Variants in GABRG3 observed in about 807,000 individuals in gnomAD.
GABRG3 encodes the protein gamma-aminobutyric acid type A receptor subunit gamma3, also known as gamma-aminobutyric acid receptor subunit gamma-3.
A neutral mutation model predicts 48.8 loss-of-function variants in GABRG3; 25 were observed. The observed-to-expected ratio is 0.51, with a 90% CI of 0.37 to 0.72. The LOEUF (loss-of-function observed/expected upper bound fraction) is 0.72. GABRG3 is among the 30% of genes least tolerant of loss of function. The probability of loss-of-function intolerance (pLI) is 0.00; values close to 1 mark genes in which losing one functional copy is unlikely to be tolerated. For missense variants in GABRG3, 394 were observed against 577.9 expected (o/e 0.68, Z 3.26); for synonymous variants, 227 against 217.6 (o/e 1.04, Z -0.38).
At chr15:27,215,343 C>T (rs1889213348) in intron 3 of GABRG3, among the ~76,000 whole-genome samples, 1 of 152,146 alleles carries the variant, frequency 6.6e-6, no homozygotes, top group African/African-American at 2.4e-5. Context: ...AAACATGTTA[C>T]ATTTGCCTTG....
At position 26,971,398 on chromosome 15, in the gene GABRG3, A is replaced by T; in HGVS notation, c.-138A>T. On this transcript the variant is annotated 5_prime_UTR_variant, in exon 1 of 10. Coordinates refer to ENST00000615808, the MANE Select transcript of GABRG3 (RefSeq NM_033223.5). The stretch of plus-strand genomic sequence containing the variant: ...GCGGGGGCGCGGCCAGCGCCAGAGT[A>T]GATACCTGTCCCGCCCGCCGCGGCC... The T allele has an allele frequency of 1.7e-6, 1 of 584,566 alleles. No individual in the cohort carries two copies. The highest frequency in any genetic ancestry group is 2.6e-6 in the Non-Finnish European group (1 of 381,604). The allele number at this position is 584,566 out of a possible 1,614,324, so 36.2% of individuals were successfully genotyped here. A position where few individuals can be genotyped will look rare whatever the true frequency, so the allele number is the denominator to read the frequency against.
intron 5 of GABRG3, among the ~76,000 whole-genome samples, chr15:27,473,011 G>C (rs1889831701): frequency 6.6e-6 from 1 of 152,106 alleles, no homozygotes; most frequent in African/African-American, 2.4e-5. Context: ...AGAATGTGCT[G>C]ATGGATTCCG....
intron 3 of GABRG3, among the ~76,000 whole-genome samples, chr15:27,134,345 C>T (rs1268915327): frequency 6.6e-6 from 1 of 152,178 alleles, no homozygotes; most frequent in Non-Finnish European, 1.5e-5. Context: ...TCCAGCCACT[C>T]CTTGTCCTCA....
intron 6 of GABRG3, among the ~76,000 whole-genome samples, chr15:27,507,486 A>T (rs12148345): frequency 0.46 from 70,420 of 151,918 alleles, 16,744 homozygotes; most frequent in Non-Finnish European, 0.54. Context: ...CTTGGGTGAC[A>T]GAGTGAGACT....
At chr15:27,125,633 A>G (rs1381512671) in intron 3 of GABRG3, among the ~76,000 whole-genome samples, 1 of 152,264 alleles carries the variant, frequency 6.6e-6, no homozygotes, top group Non-Finnish European at 1.5e-5. Context: ...AGATAAAGGA[A>G]AAAATAAGAT....
Position 27,350,630 on chromosome 15 carries a change from G to A in GABRG3, c.574+21742G>A, listed in dbSNP as rs138056497. Among the ~76,000 whole-genome samples, 125 of 152,192 alleles carry A rather than the reference G, an allele frequency of 8.2e-4. 1 individual carries two copies. The highest frequency in any genetic ancestry group is 2.6e-3 in the African/African-American group (106 of 41,538). ...GGAGGGAGTCTGGAGGGAGTCCAGC[G>A]CATCAACACCACCAGGGCCAGCGCT... On this transcript the variant is annotated intron_variant, in intron 5 of 9. Coordinates refer to ENST00000615808, the MANE Select transcript of GABRG3 (RefSeq NM_033223.5).
At chr15:27,516,130 T>C (rs1323019524) in intron 6 of GABRG3, among the ~76,000 whole-genome samples, 2 of 150,832 alleles carry the variant, frequency 1.3e-5, no homozygotes, top group African/African-American at 4.9e-5. Flanking sequence ...AAAACACCCC[T>C]ACCAACTTCC....
Position 27,326,915 on chromosome 15 carries a change from T to C in GABRG3, c.377T>C (p.Ile126Thr), listed in dbSNP as rs1893634464. Residue 126 changes from isoleucine to threonine, a missense_variant, in exon 4 of 10, where the codon ATC (isoleucine) becomes ACC (threonine). This residue lies in a region of GABRG3 where 218 missense variants were observed against 309.9 expected (regional missense o/e 0.70). Transcript: ENST00000615808. ...CTGAACAGCAACATGGTGGGGTTAA[T>C]CTGGATCCCAGACACCATCTTCCGC... ...LTLNSNMVGL[I>T]WIPDTIFRNS... 1.2e-6 allele frequency: 2 copies of C among 1,614,010 alleles called. No homozygotes were observed. The highest frequency in any genetic ancestry group is 1.1e-5 in the South Asian group (1 of 91,076).
chr15:27,403,785 G>A (rs917655374), intron 5 of GABRG3, among the ~76,000 whole-genome samples: 2 of 150,930 alleles, frequency 1.3e-5, no homozygotes, highest in Admixed American at 6.6e-5. Context: ...GGTAGTGCGC[G>A]CCTGTAATCC....
chr15:27,134,816 A>G (rs1405477523), intron 3 of GABRG3, among the ~76,000 whole-genome samples: 4 of 152,238 alleles, frequency 2.6e-5, no homozygotes, highest in Non-Finnish European at 5.9e-5. Flanking sequence ...AGATGATATT[A>G]TGAAAGAACA....
At chr15:27,307,202 C>A (rs1246783501) in intron 3 of GABRG3, among the ~76,000 whole-genome samples, 1 of 134,210 alleles carries the variant, frequency 7.5e-6, no homozygotes, top group Non-Finnish European at 1.6e-5. Flanking sequence ...TATTATAATA[C>A]AAACATGTTT....
chr15:27,350,776 G>A (rs1276749641), intron 5 of GABRG3, among the ~76,000 whole-genome samples: 2 of 152,204 alleles, frequency 1.3e-5, no homozygotes, highest in East Asian at 1.9e-4. Flanking sequence ...GGCCTGGGGC[G>A]AGTGCTGAGG....
intron 5 of GABRG3, among the ~76,000 whole-genome samples, chr15:27,398,110 T>C (rs1441889222): frequency 4.6e-5 from 7 of 152,120 alleles, no homozygotes; most frequent in Non-Finnish European, 1.5e-5. Flanking sequence ...GGCTCTTCTC[T>C]GAAATTTTAG....
At chr15:27,442,244 C>G (rs1405441610) in intron 5 of GABRG3, among the ~76,000 whole-genome samples, 1 of 152,162 alleles carries the variant, frequency 6.6e-6, no homozygotes, top group Non-Finnish European at 1.5e-5. Context: ...GCCCCATAGC[C>G]AGGATTCAGC....
chr15:27,308,561 TTATA>T (rs1223043167), intron 3 of GABRG3, among the ~76,000 whole-genome samples: 5 of 148,322 alleles, frequency 3.4e-5, no homozygotes, highest in Admixed American at 1.4e-4. Flanking sequence ...ACATACATGT[TTATA>T]TAAACATAAT....
At chr15:27,449,069 G>T (rs1889030725) in intron 5 of GABRG3, among the ~76,000 whole-genome samples, 1 of 152,206 alleles carries the variant, frequency 6.6e-6, no homozygotes, top group Admixed American at 6.5e-5. Flanking sequence ...GTTTGTGACA[G>T]ATACATGGTC....
At chr15:27,024,564 G>A (rs1392522877) in intron 2 of GABRG3, among the ~76,000 whole-genome samples, 2 of 152,262 alleles carry the variant, frequency 1.3e-5, no homozygotes, top group African/African-American at 2.4e-5. Flanking sequence ...AAGACTGTCC[G>A]TTCCCTCATT....
chr15:27,197,931 A>G (rs981790904), intron 3 of GABRG3, among the ~76,000 whole-genome samples: 2 of 152,086 alleles, frequency 1.3e-5, no homozygotes. Flanking sequence ...GGTAGTTTGT[A>G]TTTCTGTGGG....
intron 3 of GABRG3, among the ~76,000 whole-genome samples, chr15:27,260,944 G>A (rs186922141): frequency 1.4e-4 from 21 of 152,240 alleles, no homozygotes; most frequent in Admixed American, 9.8e-4. Flanking sequence ...AGGAAATCAC[G>A]GGGAAACGCA....
Sources: allele counts gnomAD v4.1 joint callset (sites outside exome capture counted in the v4.1 genomes callset), GRCh38; gene constraint gnomAD v4.1.1; regional missense constraint gnomAD v4.1.1; transcripts MANE v1.5; gene names NCBI Gene and HGNC (gene_info 2026-07-23, HGNC 2026-07-21).